Variants in NBEA observed in about 807,000 individuals in gnomAD.
The protein encoded by NBEA is neurobeachin.
Under a neutral mutation model 343.4 loss-of-function variants are expected in NBEA, and 44 were observed. The observed-to-expected ratio is 0.13, with a 90% CI of 0.10 to 0.16. The LOEUF is 0.16. Among genes scored for constraint, NBEA ranks in the 10% least tolerant of loss-of-function variants. The pLI is 1.00. For missense variants in NBEA, 2,555 were observed against 3,631.3 expected (o/e 0.70, Z 7.62); for synonymous variants, 1,175 against 1,238.7 (o/e 0.95, Z 1.08).
intron 34 of NBEA, among the ~76,000 whole-genome samples, chr13:35,266,807 C>T (rs1199707962): frequency 6.6e-6 from 1 of 151,780 alleles, no homozygotes; most frequent in Non-Finnish European, 1.5e-5. Flanking sequence ...ACAGTTATCC[C>T]ATGAACAACT....
Position 34,945,732 on chromosome 13 carries a change from T to A in NBEA, c.294+2618T>A, listed in dbSNP as rs1164351312. Among the ~76,000 whole-genome samples, 4 of 152,132 alleles carry A rather than the reference T, an allele frequency of 2.6e-5. No individual in the cohort carries two copies. In the East Asian group the frequency reaches 7.7e-4, roughly 29 times the overall value. On this transcript the variant is annotated intron_variant, in intron 1 of 58. Transcript: ENST00000379939. Reference sequence around the variant, plus strand: ...AAACAATACCTTTGTCTCAGTCGCCTTTGTCAGTATATTTTTCTTTCTTTT... The same window carrying A: ...AAACAATACCTTTGTCTCAGTCGCCATTGTCAGTATATTTTTCTTTCTTTT...
intron 45 of NBEA, among the ~76,000 whole-genome samples, chr13:35,580,122 TTTTA>T (rs2080946934): frequency 6.6e-6 from 1 of 152,084 alleles, no homozygotes. Context: ...GGGATAGAAA[TTTTA>T]TTTTTCATTT....
At chr13:35,301,342 C>T (rs984401492) in intron 35 of NBEA, among the ~76,000 whole-genome samples, 3 of 151,986 alleles carry the variant, frequency 2.0e-5, no homozygotes, top group African/African-American at 7.3e-5. Context: ...CTCCTCTTTC[C>T]CCAACCCCCC....
At chr13:35,186,577 T>C (rs189453391) in intron 30 of NBEA, 10 of 152,198 alleles carry the variant, frequency 6.6e-5, no homozygotes, top group Non-Finnish European at 1.0e-4. Flanking sequence ...TTGAGTGTTA[T>C]TGACATAAAA....
chr13:35,095,123 A>G (rs1188136244), intron 10 of NBEA, among the ~76,000 whole-genome samples: 1 of 151,806 alleles, frequency 6.6e-6, no homozygotes, highest in Non-Finnish European at 1.5e-5. Context: ...CATTTTAGTT[A>G]TGAATTAGTT....
chr13:35,078,157 G>A (rs1039972399), intron 10 of NBEA, among the ~76,000 whole-genome samples: 2 of 152,112 alleles, frequency 1.3e-5, no homozygotes, highest in Admixed American at 6.6e-5. Flanking sequence ...TGGACAATAA[G>A]CAAAGCCATA....
chr13:34,948,262 A>G (rs535350424), intron 1 of NBEA, among the ~76,000 whole-genome samples: 1 of 152,284 alleles, frequency 6.6e-6, no homozygotes, highest in Admixed American at 6.5e-5. Flanking sequence ...TGAGGGTCAG[A>G]CATCTAACCT....
At chr13:35,383,037 A>C (rs563617622) in intron 38 of NBEA, among the ~76,000 whole-genome samples, 134 of 152,308 alleles carry the variant, frequency 8.8e-4, no homozygotes, top group African/African-American at 3.1e-3. Flanking sequence ...TAAATGCATT[A>C]ATACTGGCCA....
rs1383712000 is a variant in NBEA, at chr13:35,251,610, G to A, written c.5776+18991G>A. On this transcript the variant is annotated intron_variant, in intron 34 of 58. Transcript: ENST00000379939. Reference sequence around the variant, plus strand: ...TGGAAGCCAAACAGGTAGCTCAGCGGGAAGCAGAGATGGCCAGATTTGAGG... The same window carrying A: ...TGGAAGCCAAACAGGTAGCTCAGCGAGAAGCAGAGATGGCCAGATTTGAGG... 3 of 1,209,864 alleles carry A rather than the reference G, an allele frequency of 2.5e-6. No individual in the cohort carries two copies. The Admixed American group carries it at 7.5e-5, about 30-fold the overall frequency. 74.9% of individuals were successfully genotyped at this position (1,209,864 alleles called of 1,614,324 possible).
chr13:35,221,088 G>A (rs1047665984), intron 33 of NBEA, among the ~76,000 whole-genome samples: 1 of 152,142 alleles, frequency 6.6e-6, no homozygotes, highest in African/African-American at 2.4e-5. Flanking sequence ...GCTCACGACT[G>A]TAATCCCAGC....
intron 31 of NBEA, among the ~76,000 whole-genome samples, chr13:35,196,873 T>G (rs73167781): frequency 2.0e-5 from 3 of 152,264 alleles, no homozygotes; most frequent in Non-Finnish European, 4.4e-5. Context: ...AAGTAAATAT[T>G]TTTGAAAGGT....
chr13:35,196,424 A>C, intron 31 of NBEA, 122 bp downstream of exon 31: 1 of 929,114 alleles, frequency 1.1e-6, no homozygotes, highest in Non-Finnish European at 1.6e-6. Flanking sequence ...TTACAAAGAC[A>C]ATCAAAATGA....
chr13:35,205,223 T>A (rs189131010), intron 31 of NBEA, among the ~76,000 whole-genome samples: 77 of 152,236 alleles, frequency 5.1e-4, no homozygotes, highest in Non-Finnish European at 8.7e-4. Flanking sequence ...GGGAAATAGT[T>A]CTTACAAACT....
chr13:35,580,255 T>C (rs73498979), intron 45 of NBEA, among the ~76,000 whole-genome samples: 24,867 of 152,150 alleles, frequency 0.16, 2,447 homozygotes, highest in East Asian at 0.28. Context: ...GTTAAACTTT[T>C]GTATATGGTA....
At chr13:35,526,316 T>C (rs905777481) in intron 41 of NBEA, among the ~76,000 whole-genome samples, 3 of 152,200 alleles carry the variant, frequency 2.0e-5, no homozygotes, top group Non-Finnish European at 4.4e-5. Flanking sequence ...AAATTTGATA[T>C]ATTTGCTTCT....
At chr13:34,975,427 G>T (rs1044865024) in intron 1 of NBEA, among the ~76,000 whole-genome samples, 1 of 152,106 alleles carries the variant, frequency 6.6e-6, no homozygotes, top group Admixed American at 6.6e-5. Context: ...AATGAAACTG[G>T]ATCCTTATCT....
chr13:35,323,780 T>A (rs1416008501), intron 36 of NBEA, among the ~76,000 whole-genome samples: 1 of 152,094 alleles, frequency 6.6e-6, no homozygotes, highest in Non-Finnish European at 1.5e-5. Context: ...TTTTCTCTTC[T>A]GAGCACAAGT....
chr13:35,468,110 C>CCG lies in NBEA; in HGVS notation c.6449-4289_6449-4288insGC, dbSNP rs2075471077. On this transcript the variant is annotated intron_variant, in intron 40 of 58. Coordinates refer to ENST00000379939, the MANE Select transcript of NBEA (RefSeq NM_001385012.1). ...ACCCCCTCCTGAAAATGATTTACAC[C>CCG]CCCCCCCCACTCCCCTCCCCTGAAA... Among the ~76,000 whole-genome samples, 5 of 63,248 alleles carry CCG rather than the reference C, an allele frequency of 7.9e-5. No homozygotes were observed. The South Asian group carries it at 2.8e-3, about 36-fold the overall frequency. 41.5% of individuals were successfully genotyped at this position (63,248 alleles called of 152,430 possible). A position where few individuals can be genotyped will look rare whatever the true frequency, so the allele number is the denominator to read the frequency against.
At chr13:35,424,873 T>G (rs2152926069) in intron 38 of NBEA, among the ~76,000 whole-genome samples, 1 of 152,322 alleles carries the variant, frequency 6.6e-6, no homozygotes, top group South Asian at 2.1e-4. Context: ...CCTGTTTTAG[T>G]CTTGGGAGGA....
Sources: gnomAD v4.1 joint callset for allele counts (sites outside exome capture counted in the v4.1 genomes callset) on GRCh38, gnomAD v4.1.1 for gene constraint, MANE v1.5 for transcripts, NCBI Gene and HGNC (gene_info 2026-07-23, HGNC 2026-07-21) for gene names.